TAOK1: variants seen among roughly 807,000 people sequenced by gnomAD.
The protein encoded by TAOK1 is serine/threonine-protein kinase TAO1.
A neutral mutation model predicts 138.3 loss-of-function variants in TAOK1; 21 were observed. The ratio of observed to expected loss-of-function variants is 0.15; its 90% CI spans 0.11 to 0.22. TAOK1 has a LOEUF of 0.22. Among genes scored for constraint, TAOK1 ranks in the 10% least tolerant of loss-of-function variants. The pLI is 1.00. For missense variants in TAOK1, 651 were observed against 1,227.7 expected (o/e 0.53, Z 7.02); for synonymous variants, 361 against 398.4 (o/e 0.91, Z 1.12).
intron 1 of TAOK1, among the ~76,000 whole-genome samples, chr17:29,394,150 G>GTTTTTT (rs58117433): frequency 0.019 from 911 of 48,316 alleles, 162 homozygotes; most frequent in Non-Finnish European, 0.02. Flanking sequence ...TAATTTGCCA[G>GTTTTTT]TTTTTTTTTT....
At chr17:29,532,718 A>G (rs981186140) in intron 18 of TAOK1, among the ~76,000 whole-genome samples, 1 of 152,150 alleles carries the variant, frequency 6.6e-6, no homozygotes, top group East Asian at 1.9e-4. Flanking sequence ...AGTACAGAAC[A>G]AAATGAAAAG....
intron 1 of TAOK1, among the ~76,000 whole-genome samples, chr17:29,412,027 CTCTCTCTCTCTT>C (rs923409260): frequency 1.6e-4 from 24 of 150,818 alleles, no homozygotes; most frequent in Admixed American, 3.3e-4. Context: ...CTTCCTTCCT[CTCTCTCTCTCTT>C]TCTCTCTCTC....
chr17:29,468,135 A>ATTTTTTTTTTTTT lies in TAOK1; in HGVS notation c.204+924_204+936dup, dbSNP rs761962930. 0.014 allele frequency among the ~76,000 whole-genome samples: 1,075 copies of ATTTTTTTTTTTTT among 75,996 alleles called. 248 individuals are homozygous for ATTTTTTTTTTTTT. The East Asian group carries it at 0.17, about 12-fold the overall frequency. The allele number at this position is 75,996 out of a possible 152,430, so 49.9% of individuals were successfully genotyped here. A position where few individuals can be genotyped will look rare whatever the true frequency, so the allele number is the denominator to read the frequency against. On this transcript the variant is annotated intron_variant, in intron 3 of 19. Coordinates refer to ENST00000261716, the MANE Select transcript of TAOK1 (RefSeq NM_020791.4). Reference sequence around the variant, plus strand: ...AACCACTGTGCTTGGCCTGCTTTCAATTTTTTTTTTTTTTTTTAGGAGCTG... The same window carrying ATTTTTTTTTTTTT: ...AACCACTGTGCTTGGCCTGCTTTCAATTTTTTTTTTTTTTTTTTTTTTTTTTTTTTAGGAGCTG...
At chr17:29,494,335 C>T (rs1025949178) in intron 10 of TAOK1, among the ~76,000 whole-genome samples, 4 of 151,854 alleles carry the variant, frequency 2.6e-5, no homozygotes, top group African/African-American at 7.3e-5. Flanking sequence ...TTTAACTCTA[C>T]CCCCCACCCC....
intron 1 of TAOK1, among the ~76,000 whole-genome samples, chr17:29,430,120 T>C (rs1246180527): frequency 6.6e-6 from 1 of 152,168 alleles, no homozygotes; most frequent in African/African-American, 2.4e-5. Flanking sequence ...TCTTGGCGTT[T>C]TGGACAAAGA....
At chr17:29,408,694 G>A (rs939135004) in intron 1 of TAOK1, among the ~76,000 whole-genome samples, 5 of 151,576 alleles carry the variant, frequency 3.3e-5, no homozygotes, top group African/African-American at 4.9e-5. Flanking sequence ...CTGTGCAGCC[G>A]CTGATGTGAT....
intron 4 of TAOK1, among the ~76,000 whole-genome samples, chr17:29,476,952 T>C (rs1156994289): frequency 6.6e-6 from 1 of 152,008 alleles, no homozygotes; most frequent in Non-Finnish European, 1.5e-5. Context: ...TTCATGCCAT[T>C]CTCCTGCCTA....
At chr17:29,511,977 T>C (rs2031728433) in intron 15 of TAOK1, 2 of 152,130 alleles carry the variant, frequency 1.3e-5, no homozygotes, top group Non-Finnish European at 2.9e-5. Context: ...TTAAGTAGAA[T>C]ATGCTGATTA....
intron 13 of TAOK1, among the ~76,000 whole-genome samples, chr17:29,503,717 G>A (rs565385861): frequency 3.6e-4 from 55 of 152,306 alleles, no homozygotes; most frequent in African/African-American, 1.3e-3. Context: ...GCTCATGCCT[G>A]TAATTGTAGC....
Position 29,465,620 on chromosome 17 carries a change from T to C in TAOK1, c.133-1525T>C, listed in dbSNP as rs1326998900. 3.9e-4 allele frequency among the ~76,000 whole-genome samples: 60 copies of C among 152,118 alleles called. 2 individuals carry two copies. Among genetic ancestry groups the C allele is most frequent in the Admixed American group, 3.9e-3 (60 of 15,256 alleles). ...ACAAGTTTTGTAGCCATCACTACAA[T>C]CCAGTTTTAGAACATTTTGTCTTTG... On this transcript the variant is annotated intron_variant, in intron 2 of 19. Coordinates refer to ENST00000261716, the MANE Select transcript of TAOK1 (RefSeq NM_020791.4).
intron 1 of TAOK1, among the ~76,000 whole-genome samples, chr17:29,416,923 C>T (rs1905277482): frequency 6.6e-6 from 1 of 152,144 alleles, no homozygotes; most frequent in Non-Finnish European, 1.5e-5. Context: ...CATTATTTCT[C>T]AACCCAGCAT....
intron 14 of TAOK1, 126 bp downstream of exon 14, chr17:29,508,258 C>G: frequency 1.3e-6 from 1 of 758,800 alleles, no homozygotes; most frequent in East Asian, 2.6e-5. Flanking sequence ...AAAGGAGAAG[C>G]ATTTATGTGA....
At chr17:29,487,075 C>A (rs952809159) in intron 8 of TAOK1, among the ~76,000 whole-genome samples, 1 of 151,816 alleles carries the variant, frequency 6.6e-6, no homozygotes. Flanking sequence ...ATGGTGAAAC[C>A]CCGTCTCTAC....
intron 12 of TAOK1, among the ~76,000 whole-genome samples, chr17:29,499,003 A>G (rs1201836574): frequency 6.6e-6 from 1 of 152,116 alleles, no homozygotes; most frequent in African/African-American, 2.4e-5. Flanking sequence ...CATTTGGAAA[A>G]TTCATGTTTT....
At chr17:29,510,547 A>G (rs1312074109) in intron 14 of TAOK1, among the ~76,000 whole-genome samples, 1 of 152,128 alleles carries the variant, frequency 6.6e-6, no homozygotes, top group African/African-American at 2.4e-5. Context: ...AAAATATAGC[A>G]TTTGTTTTGT....
At chr17:29,531,583 C>T (rs1457889928) in intron 18 of TAOK1, among the ~76,000 whole-genome samples, 3 of 151,764 alleles carry the variant, frequency 2.0e-5, no homozygotes, top group African/African-American at 4.8e-5. Context: ...CCCAACATGG[C>T]GAAACCTCGT....
chr17:29,451,003 C>T (rs1447601351), intron 1 of TAOK1, among the ~76,000 whole-genome samples: 1 of 152,128 alleles, frequency 6.6e-6, no homozygotes, highest in African/African-American at 2.4e-5. Context: ...TTACTTTCTC[C>T]CACTATATTT....
intron 13 of TAOK1, among the ~76,000 whole-genome samples, chr17:29,507,196 T>C (rs1598513285): frequency 6.6e-6 from 1 of 152,036 alleles, no homozygotes; most frequent in African/African-American, 2.4e-5. Context: ...ACTAAACATA[T>C]TGAATTGTTC....
rs1181814862 is a variant in TAOK1 at position 29,465,154 on chromosome 17, T to G, written c.133-1991T>G. Among the ~76,000 whole-genome samples the G allele has an allele frequency of 3.6e-5, 5 of 139,992 alleles. No homozygotes were observed. The Admixed American group carries it at 3.6e-4, about 10-fold the overall frequency. The allele number at this position is 139,992 out of a possible 152,430, so 91.8% of individuals were successfully genotyped here. On this transcript the variant is annotated intron_variant, in intron 2 of 19. Transcript: ENST00000261716. ...TTTTTTTTTTTTTTTTTTTTTTTTT[T>G]TTTGAGATGGACTCTCACTCTGTTG...
Sources: gnomAD v4.1 joint callset for allele counts (sites outside exome capture counted in the v4.1 genomes callset) on GRCh38, gnomAD v4.1.1 for gene constraint, MANE v1.5 for transcripts, NCBI Gene and HGNC (gene_info 2026-07-23, HGNC 2026-07-21) for gene names.